Variants in RAB27A observed in about 807,000 individuals in gnomAD.
RAB27A encodes the protein ras-related protein Rab-27A.
In RAB27A, 17 loss-of-function variants were observed where a neutral mutation model predicts 20.8. The ratio of observed to expected loss-of-function variants is 0.82; its 90% CI spans 0.56 to 1.23. RAB27A has a LOEUF of 1.23. Among genes scored for constraint, RAB27A ranks in the 50% most tolerant of loss-of-function variants. The pLI, the probability that RAB27A is intolerant of heterozygous loss-of-function variation, is 0.00. For missense variants in RAB27A, 277 were observed against 266.7 expected (o/e 1.04, Z -0.27); for synonymous variants, 85 against 92.8 (o/e 0.92, Z 0.48).
chr15:55,240,284 C>A (rs1896429076), intron 2 of RAB27A, among the ~76,000 whole-genome samples: 1 of 152,036 alleles, frequency 6.6e-6, no homozygotes, highest in South Asian at 2.1e-4. Context: ...ATTTGGGGCA[C>A]CCAAACAACG....
rs568174977 is a variant in RAB27A, at chr15:55,250,331, ATT to A, written c.-22-15377_-22-15376del. 3.9e-3 allele frequency among the ~76,000 whole-genome samples: 589 copies of A among 152,284 alleles called. 2 individuals carry two copies. Among genetic ancestry groups the A allele is most frequent in the African/African-American group, 0.014 (566 of 41,558 alleles). On this transcript the variant is annotated intron_variant, in intron 2 of 6. Coordinates refer to ENST00000336787, the MANE Select transcript of RAB27A (RefSeq NM_183235.3). ...TATAGTCAAATAAGTTACATACCAA[ATT>A]TAGAGACCTCCAAGTTATTTACTTA...
chr15:55,273,342 G>A (rs1010225020), intron 1 of RAB27A, among the ~76,000 whole-genome samples: 1 of 151,284 alleles, frequency 6.6e-6, no homozygotes, highest in Non-Finnish European at 1.5e-5. Flanking sequence ...CCGGGAGGCG[G>A]AGGTTGCAGT....
intron 3 of RAB27A, among the ~76,000 whole-genome samples, chr15:55,233,476 C>T (rs1896127951): frequency 6.6e-6 from 1 of 152,068 alleles, no homozygotes; most frequent in African/African-American, 2.4e-5. Context: ...TGTATCAATA[C>T]AATAGAATAT....
intron 2 of RAB27A, among the ~76,000 whole-genome samples, chr15:55,261,687 G>A (rs1330232176): frequency 8.1e-6 from 1 of 124,196 alleles, no homozygotes; most frequent in East Asian, 2.4e-4. Context: ...GTTGCAGTGA[G>A]CCGAGATCAC....
intron 1 of RAB27A, among the ~76,000 whole-genome samples, chr15:55,286,457 G>A (rs1898156892): frequency 6.6e-6 from 1 of 152,110 alleles, no homozygotes; most frequent in Middle Eastern, 3.2e-3. Flanking sequence ...AGAAAATGAT[G>A]GGATAGGTGA....
chr15:55,316,772 C>G (rs1197235300), intron 1 of RAB27A, among the ~76,000 whole-genome samples: 1 of 152,158 alleles, frequency 6.6e-6, no homozygotes, highest in African/African-American at 2.4e-5. Flanking sequence ...TGTGTCATAT[C>G]TGCCATCCTC....
chr15:55,279,881 C>T lies in RAB27A; in HGVS notation c.-142-9597G>A, dbSNP rs765267505. Among the ~76,000 whole-genome samples, 46 of 152,098 alleles carry T rather than the reference C, an allele frequency of 3.0e-4. 3 individuals are homozygous for T. Among genetic ancestry groups the T allele is most frequent in the East Asian group, 1.9e-4 (1 of 5,186 alleles). ...GGCCGAGGTCAGCAGCCTTAACCAG[C>T]GATTGAGTCATGAAATGTACTTGTA... On this transcript the variant is annotated intron_variant, in intron 1 of 6. Transcript: ENST00000336787.
exon 1 of RAB27A, chr15:55,318,945 C>T (rs2055095616): frequency 3.0e-6 from 1 of 333,386 alleles, no homozygotes. Context: ...GACTGTTCTG[C>T]GCCTGCTCCA....
At chr15:55,310,774 G>A (rs1448824980) in intron 2 of RAB27A, among the ~76,000 whole-genome samples, 3 of 152,156 alleles carry the variant, frequency 2.0e-5, no homozygotes, top group Non-Finnish European at 1.5e-5. Context: ...GACTTTTGAA[G>A]TTTCTTTCTA....
At chr15:55,251,753 T>C (rs1343746185) in intron 2 of RAB27A, among the ~76,000 whole-genome samples, 1 of 152,200 alleles carries the variant, frequency 6.6e-6, no homozygotes, top group Non-Finnish European at 1.5e-5. Context: ...TTTAAAATAC[T>C]GATCAAAGTA....
chr15:55,289,807 A>G lies in RAB27A; in HGVS notation c.-234T>C, dbSNP rs980072543. 1.3e-5 allele frequency: 2 copies of G among 152,292 alleles called. No individual in the cohort carries two copies. The allele number at this position is 152,292 out of a possible 1,614,324, so 9.4% of individuals were successfully genotyped here. On this transcript the variant is annotated 5_prime_UTR_variant, in exon 1 of 7. Coordinates refer to ENST00000336787, the MANE Select transcript of RAB27A (RefSeq NM_183235.3). ...GGCCTTTTTTGGGTCGTTGGCGGGT[A>G]TTTTCCGCCTGGCCCCACATCACTT...
chr15:55,272,364 A>T (rs1489831859), intron 1 of RAB27A, among the ~76,000 whole-genome samples: 1 of 152,158 alleles, frequency 6.6e-6, no homozygotes, highest in Non-Finnish European at 1.5e-5. Context: ...GCACCAATGC[A>T]CTCCAGCTTG....
At chr15:55,281,610 G>A (rs1396518004) in intron 1 of RAB27A, among the ~76,000 whole-genome samples, 1 of 152,050 alleles carries the variant, frequency 6.6e-6, no homozygotes, top group African/African-American at 2.4e-5. Flanking sequence ...TACTTAGGAG[G>A]CTGAAGCAGG....
intron 2 of RAB27A, among the ~76,000 whole-genome samples, chr15:55,300,745 G>A (rs1434099289): frequency 6.6e-6 from 1 of 152,130 alleles, no homozygotes; most frequent in African/African-American, 2.4e-5. Context: ...AGGGGGCGAG[G>A]GCAGGATGGT....
At chr15:55,208,716 C>T (rs983795816) in intron 6 of RAB27A, among the ~76,000 whole-genome samples, 1 of 152,206 alleles carries the variant, frequency 6.6e-6, no homozygotes, top group Non-Finnish European at 1.5e-5. Flanking sequence ...CATGCCAATG[C>T]CTAAACCAAA....
chr15:55,283,917 A>G (rs1898082690), intron 1 of RAB27A, among the ~76,000 whole-genome samples: 1 of 152,180 alleles, frequency 6.6e-6, no homozygotes, highest in East Asian at 1.9e-4. Context: ...ATTTAGCCAT[A>G]CCCTGATAGG....
At chr15:55,214,657 C>G (rs2140928776) in intron 6 of RAB27A, among the ~76,000 whole-genome samples, 1 of 152,266 alleles carries the variant, frequency 6.6e-6, no homozygotes, top group African/African-American at 2.4e-5. Context: ...TCCTGCTTGC[C>G]TCTTAGTTAC....
At chr15:55,276,047 A>T (rs910396116) in intron 1 of RAB27A, among the ~76,000 whole-genome samples, 11 of 151,962 alleles carry the variant, frequency 7.2e-5, no homozygotes, top group Non-Finnish European at 1.3e-4. Context: ...GAGCTTCTTT[A>T]AAAAAATGTT....
intron 2 of RAB27A, among the ~76,000 whole-genome samples, chr15:55,244,679 T>C (rs555158332): frequency 6.6e-6 from 1 of 152,370 alleles, no homozygotes; most frequent in East Asian, 1.9e-4. Context: ...ACTTCACTTA[T>C]TGCAGTGCAA....
Sources: gnomAD v4.1 joint callset for allele counts (sites outside exome capture counted in the v4.1 genomes callset) on GRCh38, gnomAD v4.1.1 for gene constraint, MANE v1.5 for transcripts, NCBI Gene and HGNC (gene_info 2026-07-23, HGNC 2026-07-21) for gene names.